The following C10orf67 variants were observed in gnomAD, a reference collection of about 807,000 sequenced individuals.
The protein encoded by C10orf67 is uncharacterized protein C10orf67, mitochondrial.
In C10orf67, 60 loss-of-function variants were observed where a neutral mutation model predicts 35.6. The ratio of observed to expected loss-of-function variants is 1.68; its 90% confidence interval spans 1.37 to 2.09. The LOEUF (loss-of-function observed/expected upper bound fraction) is 2.09. C10orf67 is among the 30% of genes most tolerant of loss of function. The pLI is 0.00. For missense variants in C10orf67, 474 were observed against 330.2 expected, an observed-to-expected ratio of 1.44 and a Z score of -3.38; for synonymous variants, 167 against 115.8, an observed-to-expected ratio of 1.44 and a Z score of -2.84.
At chr10:23,333,039 T>C in intron 2 of C10orf67, 23 bp downstream of exon 2, 3 of 1,604,134 alleles carry the variant, frequency 1.9e-6, no homozygotes, top group Non-Finnish European at 2.6e-6. Context: ...ATCTCAGAAG[T>C]TTCAGAACAA....
Position 23,322,521 on chromosome 10 carries a change from T to A in C10orf67, c.344A>T (p.Gln115Leu). 1 of 1,606,580 alleles carries A rather than the reference T, an allele frequency of 6.2e-7. No homozygotes were observed. The highest frequency in any genetic ancestry group is 2.2e-5 in the East Asian group (1 of 44,820). ...TTGTTTGAGGAACCCAAAATCTACC[T>A]GGAGGGATTTCATCATCTAAAAATG... ...QKLAQMMKSL[Q>L]VDFGFLKQLL... Residue 115 changes from glutamine to leucine, a missense_variant, in exon 3 of 16, where the codon CAG becomes CTG. By Grantham distance (113) the Gln-to-Leu change is moderately radical. Transcript: ENST00000636213.
intron 1 of C10orf67, among the ~76,000 whole-genome samples, chr10:23,334,616 C>T (rs1299377128): frequency 6.6e-6 from 1 of 152,242 alleles, no homozygotes; most frequent in African/African-American, 2.4e-5. Flanking sequence ...CCAAGTATAA[C>T]TCCAAGCTGG....
intron 8 of C10orf67, among the ~76,000 whole-genome samples, chr10:23,268,313 T>G (rs958584907): frequency 6.6e-6 from 1 of 152,140 alleles, no homozygotes; most frequent in Admixed American, 6.5e-5. Flanking sequence ...AAATCAATTT[T>G]AATTTCTAGG....
intron 10 of C10orf67, among the ~76,000 whole-genome samples, chr10:23,257,569 A>T (rs1469641006): frequency 6.6e-6 from 1 of 152,142 alleles, no homozygotes; most frequent in East Asian, 1.9e-4. Context: ...TTGGGGGGCC[A>T]AGGCAGGAGA....
Position 23,291,055 on chromosome 10 carries a change from A to G in C10orf67, c.850+77T>C, listed in dbSNP as rs1043910339. The G allele has an allele frequency of 4.8e-6, 3 of 619,996 alleles. No homozygotes were observed. The Admixed American group carries it at 9.0e-5, about 19-fold the overall frequency. 38.4% of individuals were successfully genotyped at this position (619,996 alleles called of 1,614,324 possible). On this transcript the variant is annotated intron_variant, in intron 6 of 15. Transcript: ENST00000636213. Reference sequence around the variant, plus strand: ...AATAACCAAACGAATGTATGTTTGGAAAAGACAAACATAGTTATGAGCTTT... The same window carrying G: ...AATAACCAAACGAATGTATGTTTGGGAAAGACAAACATAGTTATGAGCTTT...
chr10:23,235,970 T>G (rs565815313), intron 13 of C10orf67, among the ~76,000 whole-genome samples: 1 of 151,644 alleles, frequency 6.6e-6, no homozygotes, highest in Non-Finnish European at 1.5e-5. Context: ...AAAAATTGGC[T>G]GGGCATGGTG....
intron 15 of C10orf67, among the ~76,000 whole-genome samples, chr10:23,217,206 A>G (rs1184644841): frequency 6.6e-6 from 1 of 152,328 alleles, no homozygotes; most frequent in Middle Eastern, 3.4e-3. Flanking sequence ...GGAATGTGAT[A>G]AGCTGAAGAT....
intron 15 of C10orf67, among the ~76,000 whole-genome samples, chr10:23,207,151 CT>C (rs10718721): frequency 0.56 from 77,982 of 139,322 alleles, 21,198 homozygotes; most frequent in East Asian, 0.86. Flanking sequence ...TTCCTAAAGG[CT>C]TTTTTTTTTT....
intron 4 of C10orf67, among the ~76,000 whole-genome samples, chr10:23,313,261 C>T (rs1844566375): frequency 6.6e-6 from 1 of 152,194 alleles, no homozygotes; most frequent in Admixed American, 6.5e-5. Flanking sequence ...ACAATGAGTA[C>T]AAGGACTGGC....
chr10:23,269,277 A>G (rs1011052830), intron 8 of C10orf67, among the ~76,000 whole-genome samples: 5 of 152,234 alleles, frequency 3.3e-5, no homozygotes, highest in African/African-American at 1.2e-4. Flanking sequence ...AGATATATAA[A>G]TAAACATATA....
At chr10:23,310,385 T>C (rs1844453846) in intron 4 of C10orf67, among the ~76,000 whole-genome samples, 5 of 152,364 alleles carry the variant, frequency 3.3e-5, no homozygotes, top group Admixed American at 2.0e-4. Flanking sequence ...CTCTTTCTTT[T>C]ATTTCTGCAA....
chr10:23,230,248 G>A (rs1356725011), intron 13 of C10orf67, among the ~76,000 whole-genome samples: 2 of 151,918 alleles, frequency 1.3e-5, no homozygotes, highest in Non-Finnish European at 2.9e-5. Context: ...TACTTCAGAT[G>A]GTTATTTATA....
chr10:23,272,670 C>T (rs1843062123), intron 8 of C10orf67, among the ~76,000 whole-genome samples: 1 of 152,254 alleles, frequency 6.6e-6, no homozygotes, highest in Non-Finnish European at 1.5e-5. Context: ...TATCCCAGGT[C>T]TTGTGCATGT....
chr10:23,230,123 C>T (rs1484909462), intron 13 of C10orf67, among the ~76,000 whole-genome samples: 2 of 151,152 alleles, frequency 1.3e-5, no homozygotes, highest in Non-Finnish European at 2.9e-5. Flanking sequence ...TATATTGGTG[C>T]AGGAAAAAAA....
intron 10 of C10orf67, among the ~76,000 whole-genome samples, chr10:23,257,697 G>A (rs1455114969): frequency 1.3e-5 from 2 of 152,106 alleles, no homozygotes; most frequent in South Asian, 2.1e-4. Context: ...CAGCTGCTTG[G>A]GAGGCTGAGG....
chr10:23,209,364 GT>G (rs1487880698), intron 15 of C10orf67, among the ~76,000 whole-genome samples: 1 of 152,122 alleles, frequency 6.6e-6, no homozygotes, highest in Non-Finnish European at 1.5e-5. Context: ...ACCAGGACAG[GT>G]TGGTGTCTTG....
At chr10:23,306,764 A>T (rs148473652) in intron 4 of C10orf67, among the ~76,000 whole-genome samples, 2 of 152,288 alleles carry the variant, frequency 1.3e-5, no homozygotes, top group East Asian at 3.9e-4. Flanking sequence ...ACACAGTAGT[A>T]ACTGGAAGTA....
At chr10:23,311,282 C>G (rs1473577708) in intron 4 of C10orf67, among the ~76,000 whole-genome samples, 1 of 152,160 alleles carries the variant, frequency 6.6e-6, no homozygotes, top group Non-Finnish European at 1.5e-5. Flanking sequence ...ATCATGTGAC[C>G]ACTTGTCCTT....
At chr10:23,297,578 G>A (rs1470972968) in intron 5 of C10orf67, among the ~76,000 whole-genome samples, 2 of 152,112 alleles carry the variant, frequency 1.3e-5, no homozygotes, top group Non-Finnish European at 2.9e-5. Context: ...TGCATACCCC[G>A]CTTTTCGAAG....
Sources: gnomAD v4.1 joint callset for allele counts (sites outside exome capture counted in the v4.1 genomes callset) on GRCh38, gnomAD v4.1.1 for gene constraint, MANE v1.5 for transcripts, NCBI Gene and HGNC (gene_info 2026-07-23, HGNC 2026-07-21) for gene names.